The following ELOA variants were observed in gnomAD, a reference collection of about 807,000 sequenced individuals.
ELOA encodes elongin-A.
ELOA carries 15 observed loss-of-function variants against 85.2 expected under a neutral mutation model. That is an observed-to-expected ratio of 0.18 (90% CI 0.12 to 0.27). The LOEUF (loss-of-function observed/expected upper bound fraction) is 0.27. Ranked by LOEUF, ELOA falls within the 10% of genes least tolerant of loss-of-function variation. The pLI is 1.00. For synonymous variants in ELOA, 348 were observed against 357.2 expected, an observed-to-expected ratio of 0.97 and a Z score of 0.29; for missense variants, 769 against 952.7, an observed-to-expected ratio of 0.81 and a Z score of 2.54.
Position 23,759,629 on chromosome 1 carries a change from G to C in ELOA, c.*56G>C, listed in dbSNP as rs1638264604. ...GGGAGGCAGGAATACAAGGACAGTG[G>C]GGGTTGGGGAATGGAATTCTACAGG... On this transcript the variant is annotated 3_prime_UTR_variant, in exon 11 of 11. Coordinates refer to ENST00000613537, the MANE Select transcript of ELOA (RefSeq NM_003198.3). 1.3e-6 allele frequency: 2 copies of C among 1,588,132 alleles called. No individual in the cohort carries two copies. The highest frequency in any genetic ancestry group is 2.2e-5 in the South Asian group (2 of 90,544).
chr1:23,756,825 G>A, intron 9 of ELOA, 128 bp from the exon 10 acceptor site: 1 of 875,214 alleles, frequency 1.1e-6, no homozygotes, highest in Non-Finnish European at 1.7e-6. Context: ...CAGAATCCAG[G>A]GTGATAGGGT....
rs762922358 is a variant in ELOA, at chr1:23,754,392, T to C, written c.1723T>C (p.Ser575Pro). Reference protein sequence around the residue: ...SIFEVGGVPYSVLEPVLERCT... With the variant: ...SIFEVGGVPYPVLEPVLERCT... ...CTTTGAAGTGGGAGGAGTCCCATACTCTGTTCTTGAACCCGTTTTGGAGAG... is the reference window on the plus strand; with the variant it reads ...CTTTGAAGTGGGAGGAGTCCCATACCCTGTTCTTGAACCCGTTTTGGAGAG... The change falls in exon 7 of 11, where the codon TCT becomes CCT. Residue 575 changes from serine to proline, a missense_variant. By Grantham distance (74) the Ser-to-Pro change is moderately conservative. Around this residue, in one of 4 missense-constraint regions of ELOA, gnomAD observed 193 missense variants for 278.9 expected, o/e 0.69. Coordinates refer to ENST00000613537, the MANE Select transcript of ELOA (RefSeq NM_003198.3). The C allele has an allele frequency of 1.2e-6, 2 of 1,614,234 alleles. No individual in the cohort carries two copies. Among genetic ancestry groups the C allele is most frequent in the Non-Finnish European group, 1.7e-6 (2 of 1,180,040 alleles).
At position 23,749,935 on chromosome 1, in the gene ELOA, G is replaced by T; in HGVS notation, c.226G>T (p.Val76Phe). ...RDLVAQWKKL[V>F]PVERNAEPDE... The stretch of plus-strand genomic sequence containing the variant: ...CCTAGTGGCCCAGTGGAAGAAGCTG[G>T]TTCCTGTGGAACGGTAAGAACATTT... Residue 76 changes from valine to phenylalanine, a missense_variant, in exon 3 of 11, where the codon GTT becomes TTT. Val to Phe is a conservative substitution (Grantham distance 50). Coordinates refer to ENST00000613537, the MANE Select transcript of ELOA (RefSeq NM_003198.3). 6.2e-7 allele frequency: 1 copy of T among 1,613,710 alleles called. No individual in the cohort carries two copies. The highest frequency in any genetic ancestry group is 8.5e-7 in the Non-Finnish European group (1 of 1,179,712).
intron 4 of ELOA, 82 bp downstream of exon 4, chr1:23,752,112 T>G: frequency 7.2e-7 from 1 of 1,384,686 alleles, no homozygotes; most frequent in Non-Finnish European, 9.8e-7. Context: ...GCCACTGTTT[T>G]CCTTAGCTTG....
At position 23,754,144 on chromosome 1, in the gene ELOA, C is replaced by T. The variant is rs764702892; in HGVS notation, c.1582C>T (p.Arg528Cys). Residue 528 changes from arginine (R) to cysteine (C), a missense_variant, in exon 6 of 11, where the codon CGC becomes TGC. Arg to Cys is a radical substitution (Grantham distance 180, BLOSUM62 -3). Transcript: ENST00000613537. ...AGAAGAAGAAGCTGGATTTACTGGG[C>T]GCAGAATGAATTCCAAGATGCAGGT... ...QEEEEAGFTG[R>C]RMNSKMQVYS... 8 of 1,614,172 alleles carry T rather than the reference C, an allele frequency of 5.0e-6. No homozygotes were observed. Among genetic ancestry groups the T allele is most frequent in the Admixed American group, 1.7e-5 (1 of 60,020 alleles).
chr1:23,753,117 T>G (rs1373740619), intron 5 of ELOA, among the ~76,000 whole-genome samples: 1 of 152,136 alleles, frequency 6.6e-6, no homozygotes, highest in South Asian at 2.1e-4. Context: ...ATCACTGCAC[T>G]CTAGCTTGGG....
At chr1:23,756,693 T>C (rs1243426165) in intron 9 of ELOA, among the ~76,000 whole-genome samples, 2 of 152,242 alleles carry the variant, frequency 1.3e-5, no homozygotes, top group African/African-American at 2.4e-5. Context: ...TCTGCAATGA[T>C]TGTTATTTTG....
chr1:23,752,623 G>A (rs1424271467), intron 5 of ELOA, 105 bp downstream of exon 5: 9 of 1,183,634 alleles, frequency 7.6e-6, no homozygotes, highest in South Asian at 7.1e-5. Context: ...TTGGGAGGCC[G>A]AGGTAAGAGG....
At position 23,759,500 on chromosome 1, in the gene ELOA, C is replaced by T; in HGVS notation, c.2258-12C>T. On this transcript the variant is annotated splice_polypyrimidine_tract_variant and intron_variant, in intron 10 of 10. Transcript: ENST00000613537. ...CAGATCTGAGACAGCTGCCTTGTTT[C>T]TCTTTTCACAGAAATTGCCCCAATG... 6.2e-7 allele frequency: 1 copy of T among 1,614,178 alleles called. No individual in the cohort carries two copies. The highest frequency in any genetic ancestry group is 8.5e-7 in the Non-Finnish European group (1 of 1,179,992).
intron 1 of ELOA, 34 bp downstream of exon 1, chr1:23,743,612 G>C: frequency 6.8e-7 from 1 of 1,462,910 alleles, no homozygotes; most frequent in Non-Finnish European, 9.0e-7. Context: ...CGGGATGGGC[G>C]TTGGGTCGGT....
rs1052651499 is a variant in ELOA at position 23,748,925 on chromosome 1, C to G, written c.76-96C>G. On this transcript the variant is annotated intron_variant, in intron 1 of 10. Transcript: ENST00000613537. ...ACTGTAAATAGGCATAATACTTATACTCATTACTGTAAATGGTTAGCACTA... is the reference window on the plus strand; with the variant it reads ...ACTGTAAATAGGCATAATACTTATAGTCATTACTGTAAATGGTTAGCACTA... The G allele has an allele frequency of 4.0e-5, 37 of 923,646 alleles. No homozygotes were observed. The Admixed American group carries it at 4.8e-4, about 12-fold the overall frequency. The allele number at this position is 923,646 out of a possible 1,614,324, so 57.2% of individuals were successfully genotyped here.
intron 5 of ELOA, 66 bp from the exon 6 acceptor site, chr1:23,754,034 G>C: frequency 6.4e-7 from 1 of 1,569,904 alleles, no homozygotes; most frequent in Non-Finnish European, 8.6e-7. Context: ...GTAGGAGGCT[G>C]AAGGGGGTAG....
At chr1:23,759,331 A>C (rs1033031378) in intron 10 of ELOA, among the ~76,000 whole-genome samples, 181 bp from the exon 11 acceptor site, 1 of 152,246 alleles carries the variant, frequency 6.6e-6, no homozygotes, top group African/African-American at 2.4e-5. Context: ...AGGTCCTCCG[A>C]AAGTGTCTGC....
intron 5 of ELOA, among the ~76,000 whole-genome samples, chr1:23,753,888 C>T (rs1234918794): frequency 1.3e-5 from 2 of 152,114 alleles, no homozygotes; most frequent in Admixed American, 1.3e-4. Flanking sequence ...GTTGGGCAGG[C>T]TGATCTCGAA....
chr1:23,748,853 T>C (rs974731608), intron 1 of ELOA, among the ~76,000 whole-genome samples, 168 bp from the exon 2 acceptor site: 4 of 152,202 alleles, frequency 2.6e-5, no homozygotes, highest in Non-Finnish European at 4.4e-5. Context: ...GAAACATAAC[T>C]TTTATGAGCC....
chr1:23,750,682 T>A (rs541690743), intron 3 of ELOA, among the ~76,000 whole-genome samples, 163 bp from the exon 4 acceptor site: 3 of 152,238 alleles, frequency 2.0e-5, no homozygotes, highest in Non-Finnish European at 4.4e-5. Flanking sequence ...TTTCCCAGTT[T>A]TAAGATTTGA....
Position 23,751,689 on chromosome 1 carries a change from A to G in ELOA, c.1084A>G (p.Lys362Glu), listed in dbSNP as rs778060736. Reference protein sequence around the residue: ...KGAGDLLPKVKEKGSNNLKTP... With the variant: ...KGAGDLLPKVEEKGSNNLKTP... ...AGCAGGAGACCTGTTGCCCAAGGTA[A>G]AAGAGAAGGGTTCTAACAACCTAAA... The change falls in exon 4 of 11, where the codon AAA (lysine) becomes GAA (glutamate). Residue 362 changes from lysine to glutamate, a missense_variant. This residue lies in a region of ELOA where 440 missense variants were observed against 474.0 expected (regional missense o/e 0.93). Coordinates refer to ENST00000613537, the MANE Select transcript of ELOA (RefSeq NM_003198.3). The G allele has an allele frequency of 1.9e-6, 3 of 1,614,194 alleles. No individual in the cohort carries two copies. The East Asian group carries it at 6.7e-5, about 36-fold the overall frequency.
At chr1:23,746,418 G>T (rs181751086) in intron 1 of ELOA, among the ~76,000 whole-genome samples, 156 of 151,690 alleles carry the variant, frequency 1.0e-3, no homozygotes, top group Non-Finnish European at 2.0e-3. Flanking sequence ...GACCAGCCTG[G>T]CCAACATGAT....
In ELOA at chr1:23,762,011, A is replaced by AAGTT. The variant is rs1638307138; in HGVS notation, c.*2440_*2443dup. The stretch of plus-strand genomic sequence containing the variant: ...ACCGAGATGAATATTTTAATTAGAT[A>AAGTT]AGTTATATGAAAAGGAAAATTCCAT... On this transcript the variant is annotated 3_prime_UTR_variant, in exon 11 of 11. Transcript: ENST00000613537. 6.6e-6 allele frequency: 1 copy of AAGTT among 152,212 alleles called. No homozygotes were observed. Among genetic ancestry groups the AAGTT allele is most frequent in the Non-Finnish European group, 1.5e-5 (1 of 68,032 alleles). The allele number at this position is 152,212 out of a possible 1,614,324, so 9.4% of individuals were successfully genotyped here. A position where few individuals can be genotyped will look rare whatever the true frequency, so the allele number is the denominator to read the frequency against.
Sources: gnomAD v4.1 joint callset for allele counts (sites outside exome capture counted in the v4.1 genomes callset) on GRCh38, gnomAD v4.1.1 for gene constraint, gnomAD v4.1.1 regional missense constraint, MANE v1.5 for transcripts, NCBI Gene and HGNC (gene_info 2026-07-23, HGNC 2026-07-21) for gene names.